Variants in IPO9 observed in about 807,000 individuals in gnomAD.
IPO9 encodes the protein importin 9, also known as importin-9.
IPO9 carries 28 observed loss-of-function variants against 128.6 expected under a neutral mutation model. The ratio of observed to expected loss-of-function variants is 0.22; its 90% CI spans 0.16 to 0.30. IPO9 has a LOEUF of 0.30. Ranked by LOEUF, IPO9 falls within the 10% of genes least tolerant of loss-of-function variation. The pLI is 1.00. For synonymous variants in IPO9, 455 were observed against 475.8 expected (o/e 0.96, Z 0.57); for missense variants, 935 against 1,293.9 (o/e 0.72, Z 4.26).
At chr1:201,829,425 C>G (rs1679786561) in intron 1 of IPO9, 53 bp downstream of exon 1, 2 of 1,475,172 alleles carry the variant, frequency 1.4e-6, no homozygotes, top group South Asian at 1.3e-5. Context: ...ATCCGCTGAC[C>G]GCAGCTCCGT....
In IPO9 at chr1:201,872,392, G is replaced by C. The variant is rs183997491; in HGVS notation, c.2577-436G>C. Among the ~76,000 whole-genome samples the C allele has an allele frequency of 1.8e-3, 273 of 152,032 alleles. 5 individuals are homozygous for C. Among genetic ancestry groups the C allele is most frequent in the Non-Finnish European group, 6.0e-4 (41 of 67,988 alleles). On this transcript the variant is annotated intron_variant, in intron 19 of 23. Coordinates refer to ENST00000361565, the MANE Select transcript of IPO9 (RefSeq NM_018085.5). ...GGCACTTTGGAAGACTGAGGTGGGC[G>C]AATTGCTTGAGACCCACCCGGGCAA...
chr1:201,871,376 C>CTTTTTTTTTTTTTTTTTTTTTTTTTTTT (rs556986429), intron 19 of IPO9, 49 bp downstream of exon 19: 2 of 140,406 alleles, frequency 1.4e-5, no homozygotes, highest in Non-Finnish European at 1.2e-5. Context: ...ACTCATATTT[C>CTTTTTTTTTTTTTTTTTTTTTTTTTTTT]TTTTTTTTTT....
At chr1:201,835,854 G>A (rs553959783) in intron 1 of IPO9, among the ~76,000 whole-genome samples, 46 of 152,256 alleles carry the variant, frequency 3.0e-4, no homozygotes, top group African/African-American at 7.2e-4. Flanking sequence ...GCTCACTCCT[G>A]TAATCCCAGC....
At chr1:201,836,725 A>G (rs185953626) in intron 1 of IPO9, among the ~76,000 whole-genome samples, 92 of 152,322 alleles carry the variant, frequency 6.0e-4, no homozygotes, top group Admixed American at 1.0e-3. Flanking sequence ...AAATTGGGTT[A>G]AGTAAAAGAA....
chr1:201,873,037 G>T, intron 20 of IPO9, 76 bp downstream of exon 20: 1 of 1,435,976 alleles, frequency 7.0e-7, no homozygotes, highest in East Asian at 2.4e-5. Context: ...GGGAAGGAAT[G>T]CACTGTGGTG....
intron 10 of IPO9, among the ~76,000 whole-genome samples, chr1:201,856,474 G>T (rs2102879626): frequency 6.6e-6 from 1 of 152,256 alleles, no homozygotes; most frequent in South Asian, 2.1e-4. Flanking sequence ...ACAATAAATA[G>T]TCTATCAGAC....
In IPO9 at chr1:201,857,349, C is replaced by T. The variant is rs12074243; in HGVS notation, c.1221+155C>T. On this transcript the variant is annotated intron_variant, in intron 11 of 23. Coordinates refer to ENST00000361565, the MANE Select transcript of IPO9 (RefSeq NM_018085.5). ...GCAAGAGAGTTTCTGAAATGAAATT[C>T]GAGACTCAGAAATTCTAAAATCATT... 7.0e-3 allele frequency among the ~76,000 whole-genome samples: 1,067 copies of T among 152,192 alleles called. 6 individuals carry two copies. Among genetic ancestry groups the T allele is most frequent in the African/African-American group, 0.011 (464 of 41,524 alleles).
In IPO9 at chr1:201,875,174, TGAG is replaced by T; in HGVS notation, c.2964_2966del (p.Glu989del). ...CAGAGGAGGATTACTACGAGGATGATGAGGAAGATGACCCTGATGCCCTGAAGG... is the reference window on the plus strand; with the variant it reads ...CAGAGGAGGATTACTACGAGGATGATGAAGATGACCCTGATGCCCTGAAGG... On this transcript the variant is annotated inframe_deletion, in exon 23 of 24. Coordinates refer to ENST00000361565, the MANE Select transcript of IPO9 (RefSeq NM_018085.5). 6.2e-7 allele frequency: 1 copy of T among 1,614,162 alleles called. No homozygotes were observed.
In IPO9 at chr1:201,882,527, C is replaced by CA. The variant is rs1423035112; in HGVS notation, c.*6474dup. 1 of 150,612 alleles carries CA rather than the reference C, an allele frequency of 6.6e-6. No homozygotes were observed. Among genetic ancestry groups the CA allele is most frequent in the African/African-American group, 2.4e-5 (1 of 41,006 alleles). 9.3% of individuals were successfully genotyped at this position (150,612 alleles called of 1,614,324 possible). A position where few individuals can be genotyped will look rare whatever the true frequency, so the allele number is the denominator to read the frequency against. On this transcript the variant is annotated 3_prime_UTR_variant, in exon 24 of 24. Transcript: ENST00000361565. ...AACATTTGCCATCTAATGACACTTA[C>CA]ATTCCAGTTTTTTCCTTTTTTGAGT...
At chr1:201,834,407 C>G (rs1021022704) in intron 1 of IPO9, among the ~76,000 whole-genome samples, 2 of 151,892 alleles carry the variant, frequency 1.3e-5, no homozygotes, top group Non-Finnish European at 2.9e-5. Flanking sequence ...TTGTTTTTGT[C>G]TGACTTACGG....
rs372981551 is a variant in IPO9 at position 201,875,937 on chromosome 1, C to T, written c.3016-7C>T. ...CTCACTAATGCCACTCTTGCTCTTT[C>T]CTCCAGGCATATCTCACAGATTTCC... On this transcript the variant is annotated splice_polypyrimidine_tract_variant and splice_region_variant and intron_variant, in intron 23 of 23. Transcript: ENST00000361565. The T allele has an allele frequency of 1.3e-6, 2 of 1,578,100 alleles. No individual in the cohort carries two copies. Among genetic ancestry groups the T allele is most frequent in the South Asian group, 2.2e-5 (2 of 90,408 alleles).
chr1:201,869,679 A>T lies in IPO9; in HGVS notation c.2094A>T (p.Ala698=). 2 of 1,614,180 alleles carry T rather than the reference A, an allele frequency of 1.2e-6. No individual in the cohort carries two copies. The highest frequency in any genetic ancestry group is 2.2e-5 in the East Asian group (1 of 44,890). The change falls in exon 17 of 24, where the codon GCA becomes GCT. Residue 698 remains alanine (A), a synonymous_variant. Transcript: ENST00000361565. ...LLICQAFPAV[A]QCTLHTDDNA... is the part of the protein sequence containing the mutation. ...TCTGCCAAGCTTTCCCTGCTGTGGC[A>T]CAGTGTACCCTTCACACAGATGACA...
At chr1:201,841,937 C>T (rs992513361) in intron 1 of IPO9, among the ~76,000 whole-genome samples, 5 of 152,216 alleles carry the variant, frequency 3.3e-5, no homozygotes, top group Non-Finnish European at 7.3e-5. Context: ...ACACAGAAGA[C>T]TTCTGTGATC....
chr1:201,829,671 C>G (rs1679793470), intron 1 of IPO9: 1 of 276,762 alleles, frequency 3.6e-6, no homozygotes, highest in South Asian at 8.0e-5. Flanking sequence ...AGACTTGGTG[C>G]TGTTGGAGGA....
In IPO9 at chr1:201,853,108, C is replaced by G. The variant is rs200050020; in HGVS notation, c.690+11C>G. 2.7e-4 allele frequency: 427 copies of G among 1,609,682 alleles called. No individual in the cohort carries two copies. The highest frequency in any genetic ancestry group is 3.4e-4 in the Non-Finnish European group (396 of 1,176,086). ...GAGGAGCTGGAAAAGGTAAGCAGGTCTTTGGATCAATAACAGACTTCATGC... is the reference window on the plus strand; with the variant it reads ...GAGGAGCTGGAAAAGGTAAGCAGGTGTTTGGATCAATAACAGACTTCATGC... On this transcript the variant is annotated intron_variant, in intron 6 of 23. Coordinates refer to ENST00000361565, the MANE Select transcript of IPO9 (RefSeq NM_018085.5).
intron 23 of IPO9, among the ~76,000 whole-genome samples, chr1:201,875,590 C>CA (rs34369530): frequency 0.24 from 32,018 of 134,420 alleles, 3,529 homozygotes; most frequent in South Asian, 0.28. Context: ...ACCCTGTGTT[C>CA]AAAAAAAAAA....
Position 201,875,248 on chromosome 1 carries a change from T to A in IPO9, c.3015+20T>A. On this transcript the variant is annotated intron_variant, in intron 23 of 23. Transcript: ENST00000361565. ...CTGCAGGTGAGGGTGTCCAGAGATA[T>A]CTTGCAAATGACAATGTCCCAGGCC... 1 of 1,601,666 alleles carries A rather than the reference T, an allele frequency of 6.2e-7. No individual in the cohort carries two copies. Among genetic ancestry groups the A allele is most frequent in the Non-Finnish European group, 8.6e-7 (1 of 1,168,614 alleles).
rs959003925 is a variant in IPO9 at position 201,880,777 on chromosome 1, T to G, written c.*4723T>G. ...TGGTTTGACTTCCAGTTTTTCAACT[T>G]TAGGATTGTGCAAAAGCTATACACA... On this transcript the variant is annotated 3_prime_UTR_variant, in exon 24 of 24. Coordinates refer to ENST00000361565, the MANE Select transcript of IPO9 (RefSeq NM_018085.5). 9 of 152,198 alleles carry G rather than the reference T, an allele frequency of 5.9e-5. No individual in the cohort carries two copies. The highest frequency in any genetic ancestry group is 2.2e-4 in the African/African-American group (9 of 41,438). 9.4% of individuals were successfully genotyped at this position (152,198 alleles called of 1,614,324 possible). A position where few individuals can be genotyped will look rare whatever the true frequency, so the allele number is the denominator to read the frequency against.
At chr1:201,855,706 A>G (rs1385542638) in intron 9 of IPO9, 77 bp from the exon 10 acceptor site, 2 of 1,258,428 alleles carry the variant, frequency 1.6e-6, no homozygotes, top group Non-Finnish European at 2.2e-6. Flanking sequence ...TACAAAGGTT[A>G]TGTAGTTCAT....
Sources: gnomAD v4.1 joint callset for allele counts (sites outside exome capture counted in the v4.1 genomes callset) on GRCh38, gnomAD v4.1.1 for gene constraint, MANE v1.5 for transcripts, NCBI Gene and HGNC (gene_info 2026-07-23, HGNC 2026-07-21) for gene names.